Variants in GGT7 observed in about 807,000 individuals in gnomAD.
GGT7 encodes gamma-glutamyltransferase 7.
GGT7 carries 30 observed loss-of-function variants against 69.2 expected under a neutral mutation model. That is an observed-to-expected ratio of 0.43 (90% CI 0.32 to 0.59). The LOEUF (loss-of-function observed/expected upper bound fraction) is 0.59, where lower values mean the gene tolerates loss of function less well. GGT7 is among the 20% of genes least tolerant of loss of function. The pLI is 0.05. For missense variants in GGT7, 733 were observed against 901.1 expected, an observed-to-expected ratio of 0.81 and a Z score of 2.39; for synonymous variants, 388 against 391.8, an observed-to-expected ratio of 0.99 and a Z score of 0.12.
Position 34,852,380 on chromosome 20 carries a change from C to G in GGT7, c.1469+9G>C. 1 of 1,614,080 alleles carries G rather than the reference C, an allele frequency of 6.2e-7. No individual in the cohort carries two copies. Among genetic ancestry groups the G allele is most frequent in the Non-Finnish European group, 8.5e-7 (1 of 1,179,966 alleles). On this transcript the variant is annotated intron_variant, in intron 11 of 14. Transcript: ENST00000336431. The stretch of plus-strand genomic sequence containing the variant: ...CCTTGTTCCAGGTTCTGAGTCTGAG[C>G]TGGCATACCTAACCATGGCCACAAT...
At chr20:34,849,660 G>C (rs967532892) in intron 14 of GGT7, among the ~76,000 whole-genome samples, 1 of 152,168 alleles carries the variant, frequency 6.6e-6, no homozygotes, top group African/African-American at 2.4e-5. Context: ...CCTGGAACAC[G>C]TACGTGTTCA....
intron 14 of GGT7, among the ~76,000 whole-genome samples, chr20:34,849,496 G>A (rs2079354504): frequency 6.6e-6 from 1 of 152,034 alleles, no homozygotes; most frequent in African/African-American, 2.4e-5. Flanking sequence ...CAGCTTAAAT[G>A]CCACCAAAGA....
At chr20:34,861,663 A>G in intron 3 of GGT7, 101 bp from the exon 4 acceptor site, 1 of 687,600 alleles carries the variant, frequency 1.5e-6, no homozygotes, top group Non-Finnish European at 2.2e-6. Context: ...CTGTAGGCTC[A>G]GTTTTTCATT....
intron 6 of GGT7, 83 bp downstream of exon 6, chr20:34,859,886 C>T (rs987787169): frequency 9.5e-7 from 1 of 1,053,574 alleles, no homozygotes; most frequent in African/African-American, 1.6e-5. Flanking sequence ...GAGAGGGCCT[C>T]TCTGGCTTGG....
Position 34,845,163 on chromosome 20 carries a change from T to A in GGT7, c.*165A>T. ...ACCACCACCACCACCACAGGCCTCC[T>A]GATGGAGAATTTTCCAGTTACTCTG... On this transcript the variant is annotated 3_prime_UTR_variant, in exon 15 of 15. Transcript: ENST00000336431. The A allele has an allele frequency of 5.3e-5, 14 of 266,300 alleles. No individual in the cohort carries two copies. Among genetic ancestry groups the A allele is most frequent in the East Asian group, 4.2e-4 (4 of 9,560 alleles). The allele number at this position is 266,300 out of a possible 1,614,324, so 16.5% of individuals were successfully genotyped here. A position where few individuals can be genotyped will look rare whatever the true frequency, so the allele number is the denominator to read the frequency against.
chr20:34,868,112 C>T (rs1398957451), intron 1 of GGT7, among the ~76,000 whole-genome samples: 1 of 93,310 alleles, frequency 1.1e-5, no homozygotes, highest in Non-Finnish European at 2.5e-5. Context: ...GCAATCCGCC[C>T]GCCTTGGCCT....
chr20:34,849,366 G>GA (rs2079352945), intron 14 of GGT7, among the ~76,000 whole-genome samples: 1 of 150,866 alleles, frequency 6.6e-6, no homozygotes, highest in African/African-American at 2.4e-5. Context: ...GGGTGGAGGG[G>GA]GGTCTCACTA....
At chr20:34,854,732 A>G in intron 9 of GGT7, 64 bp downstream of exon 9, 1 of 1,604,512 alleles carries the variant, frequency 6.2e-7, no homozygotes. Flanking sequence ...GCCCTATGGC[A>G]GTACCCAATC....
At chr20:34,854,348 C>G (rs1471391172) in intron 10 of GGT7, among the ~76,000 whole-genome samples, 183 bp downstream of exon 10, 1 of 152,208 alleles carries the variant, frequency 6.6e-6, no homozygotes, top group Non-Finnish European at 1.5e-5. Flanking sequence ...TAAGCCAACT[C>G]ATTGTGCTGA....
At chr20:34,861,924 C>T (rs1461824439) in intron 3 of GGT7, among the ~76,000 whole-genome samples, 3 of 152,110 alleles carry the variant, frequency 2.0e-5, no homozygotes, top group Non-Finnish European at 4.4e-5. Context: ...TTGGTATGTC[C>T]CTTGCCCCTC....
At position 34,856,975 on chromosome 20, in the gene GGT7, A is replaced by C. The variant is rs561758734; in HGVS notation, c.1015-82T>G. 3.4e-4 allele frequency: 287 copies of C among 849,686 alleles called. 5 individuals carry two copies. In the South Asian group the frequency reaches 3.8e-3, roughly 11 times the overall value. 52.6% of individuals were successfully genotyped at this position (849,686 alleles called of 1,614,324 possible). On this transcript the variant is annotated intron_variant, in intron 7 of 14. Coordinates refer to ENST00000336431, the MANE Select transcript of GGT7 (RefSeq NM_178026.3). Reference sequence around the variant, plus strand: ...CCTATAACACGTTTGGATCACAGACAGATCAGCTGTTTATAACTTCTGTGC... The same window carrying C: ...CCTATAACACGTTTGGATCACAGACCGATCAGCTGTTTATAACTTCTGTGC...
Position 34,861,506 on chromosome 20 carries a change from A to G in GGT7, c.614T>C (p.Phe205Ser), listed in dbSNP as rs771503797. The part of the protein sequence containing the change: ...IRRNESHLID[F>S]RESAPGALRE... ...GAGGGCCCCTGGTGCGGACTCCCGG[A>G]AATCAATTAGGTGGCTCTCATTTCG... is the stretch of plus-strand genomic sequence containing the variant. The change falls in exon 4 of 15, where the codon TTC becomes TCC. Residue 205 changes from phenylalanine (F) to serine (S), a missense_variant. Phe to Ser is a radical substitution (Grantham distance 155). Transcript: ENST00000336431. 1.3e-6 allele frequency: 2 copies of G among 1,546,376 alleles called. No homozygotes were observed. Among genetic ancestry groups the G allele is most frequent in the Non-Finnish European group, 1.8e-6 (2 of 1,135,252 alleles).
At chr20:34,849,714 G>A (rs1194188026) in intron 14 of GGT7, among the ~76,000 whole-genome samples, 1 of 152,248 alleles carries the variant, frequency 6.6e-6, no homozygotes, top group Non-Finnish European at 1.5e-5. Context: ...ATGAACAACT[G>A]TGTCTTATTT....
At chr20:34,871,267 G>T (rs912873900) in intron 1 of GGT7, among the ~76,000 whole-genome samples, 1 of 152,172 alleles carries the variant, frequency 6.6e-6, no homozygotes, top group African/African-American at 2.4e-5. Context: ...AGAGAGACAG[G>T]CATTCTCTGT....
At chr20:34,850,227 T>C (rs1266438890) in intron 13 of GGT7, 167 bp from the exon 14 acceptor site, 2 of 765,930 alleles carry the variant, frequency 2.6e-6, no homozygotes, top group African/African-American at 1.7e-5. Context: ...GTGATGACTG[T>C]TTCCATTTCA....
In GGT7 at chr20:34,861,356, G is replaced by A. The variant is rs1318060154; in HGVS notation, c.675+89C>T. ...CTCAACTCTTTTTCCCACTCCCCTG[G>A]TAAATACTTAGCAAATTAATGCTTG... On this transcript the variant is annotated intron_variant, in intron 4 of 14. Transcript: ENST00000336431. The A allele has an allele frequency of 5.1e-6, 3 of 590,628 alleles. 1 individual carries two copies. The highest frequency in any genetic ancestry group is 5.6e-4 in the Middle Eastern group (2 of 3,580). 36.6% of individuals were successfully genotyped at this position (590,628 alleles called of 1,614,324 possible). A position where few individuals can be genotyped will look rare whatever the true frequency, so the allele number is the denominator to read the frequency against.
chr20:34,851,694 G>T (rs2079396653), intron 12 of GGT7, among the ~76,000 whole-genome samples: 1 of 152,166 alleles, frequency 6.6e-6, no homozygotes, highest in Non-Finnish European at 1.5e-5. Flanking sequence ...ATGTGTCTTT[G>T]CCCTGCTGGG....
intron 1 of GGT7, among the ~76,000 whole-genome samples, chr20:34,870,043 G>A (rs2146933099): frequency 6.6e-6 from 1 of 152,304 alleles, no homozygotes; most frequent in East Asian, 1.9e-4. Flanking sequence ...GCACAACCAA[G>A]GTCCTGGCTA....
chr20:34,851,281 G>C lies in GGT7; in HGVS notation c.1675C>G (p.Leu559Val). The change falls in exon 13 of 15, where the codon CTC becomes GTC. Residue 559 changes from leucine to valine, a missense_variant. Transcript: ENST00000336431. ...GCAGCTCCATTGGCCCCCAGAGCGA[G>C]GTAGGTTCCACAGAGCCCCTCCGCG... ...RPAEGLCGTY[L>V]ALGANGAARG... is the part of the protein sequence containing the mutation. 6.2e-7 allele frequency: 1 copy of C among 1,613,944 alleles called. No homozygotes were observed. The highest frequency in any genetic ancestry group is 8.5e-7 in the Non-Finnish European group (1 of 1,180,032).
Sources: allele counts gnomAD v4.1 joint callset (sites outside exome capture counted in the v4.1 genomes callset), GRCh38; gene constraint gnomAD v4.1.1; transcripts MANE v1.5; gene names NCBI Gene and HGNC (gene_info 2026-07-23, HGNC 2026-07-21).